The following TRPM3 variants were observed in gnomAD, a reference collection of about 807,000 sequenced individuals.
TRPM3 encodes the protein transient receptor potential cation channel subfamily M member 3.
A neutral mutation model predicts 181.2 loss-of-function variants in TRPM3; 77 were observed. The ratio of observed to expected loss-of-function variants is 0.42; its 90% confidence interval spans 0.35 to 0.51. TRPM3 has a LOEUF of 0.51. TRPM3 is among the 20% of genes least tolerant of loss of function. The pLI, the probability that TRPM3 is intolerant of heterozygous loss-of-function variation, is 0.01. For synonymous variants in TRPM3, 745 were observed against 796.4 expected (o/e 0.94, Z 1.09); for missense variants, 1,759 against 2,196.7 (o/e 0.80, Z 3.98).
At chr9:71,196,110 G>A (rs1361054383) in intron 1 of TRPM3, among the ~76,000 whole-genome samples, 2 of 151,516 alleles carry the variant, frequency 1.3e-5, no homozygotes, top group East Asian at 3.9e-4. Flanking sequence ...ATGTACTCCT[G>A]AACCCAAAAG....
intron 1 of TRPM3, among the ~76,000 whole-genome samples, chr9:70,955,307 G>A (rs2097055954): frequency 2.0e-5 from 3 of 152,156 alleles, no homozygotes; most frequent in Non-Finnish European, 4.4e-5. Context: ...AGAGATTACA[G>A]AAAGACTGAA....
chr9:70,864,537 A>T (rs760706660), intron 1 of TRPM3, 26 bp from the exon 2 acceptor site: 2 of 1,457,996 alleles, frequency 1.4e-6, no homozygotes, highest in Non-Finnish European at 1.8e-6. Flanking sequence ...AAAAAAAAAA[A>T]AAAAGAAAAA....
upstream of TRPM3, among the ~76,000 whole-genome samples, chr9:71,126,223 G>T (rs1021577072): frequency 6.6e-6 from 1 of 152,092 alleles, no homozygotes; most frequent in South Asian, 2.1e-4. Context: ...AAAAAGTCAA[G>T]AAACAACAGA....
intron 1 of TRPM3, among the ~76,000 whole-genome samples, chr9:70,930,993 G>C (rs151202925): frequency 2.6e-5 from 4 of 152,110 alleles, no homozygotes; most frequent in African/African-American, 9.6e-5. Context: ...TCCAAACTCC[G>C]CATTAGCTAG....
intron 1 of TRPM3, among the ~76,000 whole-genome samples, chr9:71,405,991 G>A (rs568627230): frequency 6.6e-6 from 1 of 152,088 alleles, no homozygotes; most frequent in East Asian, 1.9e-4. Flanking sequence ...ATAAAAAATT[G>A]GTGGCTGGGC....
At position 70,910,849 on chromosome 9, in the gene TRPM3, C is replaced by T. The variant is rs748634806; in HGVS notation, c.178-46338G>A. Among the ~76,000 whole-genome samples the T allele has an allele frequency of 1.4e-4, 22 of 152,156 alleles. 1 individual carries two copies. Among genetic ancestry groups the T allele is most frequent in the Non-Finnish European group, 2.8e-4 (19 of 68,028 alleles). Reference sequence around the variant, plus strand: ...GTCTGAGCTCTTAATCATTGCTCAGCGCTGCTAAAGGGAATATATGGCTTT... The same window carrying T: ...GTCTGAGCTCTTAATCATTGCTCAGTGCTGCTAAAGGGAATATATGGCTTT... On this transcript the variant is annotated intron_variant, in intron 1 of 25. Transcript: ENST00000677713.
chr9:71,420,966 G>GGAGAGAAAAA (rs2093753779), intron 1 of TRPM3, among the ~76,000 whole-genome samples: 16 of 39,442 alleles, frequency 4.1e-4, no homozygotes, highest in Admixed American at 4.9e-4. Flanking sequence ...AGAGAAAAAG[G>GGAGAGAAAAA]GAGAGAAAAA....
chr9:71,196,094 T>A (rs970829570), intron 1 of TRPM3, among the ~76,000 whole-genome samples: 1 of 151,806 alleles, frequency 6.6e-6, no homozygotes, highest in African/African-American at 2.4e-5. Context: ...TATAACAAAC[T>A]TGCACATGTA....
intron 1 of TRPM3, among the ~76,000 whole-genome samples, chr9:71,396,983 T>A (rs916265371): frequency 4.9e-4 from 73 of 148,200 alleles, no homozygotes; most frequent in African/African-American, 1.7e-3. Context: ...AAAAAAAAAA[T>A]TAAGCCTTAT....
chr9:71,067,247 C>CAGCAG (rs1255783601), intron 1 of TRPM3, among the ~76,000 whole-genome samples: 1 of 152,204 alleles, frequency 6.6e-6, no homozygotes, highest in East Asian at 1.9e-4. Context: ...ACTAGCAAGG[C>CAGCAG]AGCAGATATA....
At chr9:71,135,796 A>T (rs955170065) in intron 1 of TRPM3, among the ~76,000 whole-genome samples, 2 of 152,222 alleles carry the variant, frequency 1.3e-5, no homozygotes, top group African/African-American at 2.4e-5. Context: ...AAAAACCCCC[A>T]GCAAATTACA....
intron 22 of TRPM3, among the ~76,000 whole-genome samples, chr9:70,571,547 T>C (rs1439930052): frequency 6.6e-6 from 1 of 152,068 alleles, no homozygotes; most frequent in Non-Finnish European, 1.5e-5. Flanking sequence ...ATGTGAACCA[T>C]ATGCACTTTT....
At chr9:70,762,962 GA>G (rs772631242) in intron 7 of TRPM3, among the ~76,000 whole-genome samples, 6 of 152,114 alleles carry the variant, frequency 3.9e-5, no homozygotes, top group Non-Finnish European at 7.4e-5. Flanking sequence ...ATGAAAGCAA[GA>G]AAAACTTTAT....
At chr9:70,700,419 G>A (rs902536708) in intron 8 of TRPM3, among the ~76,000 whole-genome samples, 1 of 152,148 alleles carries the variant, frequency 6.6e-6, no homozygotes, top group Non-Finnish European at 1.5e-5. Flanking sequence ...GGTGGAGGCC[G>A]GGATAGGGGG....
intron 1 of TRPM3, among the ~76,000 whole-genome samples, chr9:70,894,451 A>G (rs1472939295): frequency 6.6e-6 from 1 of 152,082 alleles, no homozygotes; most frequent in African/African-American, 2.4e-5. Context: ...TCTCATGGAT[A>G]CAAATGCATT....
intron 1 of TRPM3, among the ~76,000 whole-genome samples, chr9:71,299,277 ACAAAAT>A (rs1464089926): frequency 6.6e-6 from 1 of 152,188 alleles, no homozygotes; most frequent in African/African-American, 2.4e-5. Context: ...ATTGAGATGA[ACAAAAT>A]CATGTATTTA....
intron 8 of TRPM3, among the ~76,000 whole-genome samples, chr9:70,755,591 T>A (rs1251374992): frequency 1.3e-5 from 2 of 152,054 alleles, no homozygotes; most frequent in Non-Finnish European, 2.9e-5. Context: ...GGTCTCGAAC[T>A]CCTGACCTCA....
At chr9:70,785,470 A>C (rs2083407383) in intron 6 of TRPM3, among the ~76,000 whole-genome samples, 1 of 152,164 alleles carries the variant, frequency 6.6e-6, no homozygotes, top group Non-Finnish European at 1.5e-5. Context: ...GTACCATAAA[A>C]GTGAGCTGGT....
At chr9:71,258,631 T>C (rs924379040) in intron 1 of TRPM3, among the ~76,000 whole-genome samples, 1 of 152,222 alleles carries the variant, frequency 6.6e-6, no homozygotes, top group African/African-American at 2.4e-5. Flanking sequence ...TTTTAAAAGA[T>C]ACTAATACAT....
Sources: allele counts gnomAD v4.1 joint callset (sites outside exome capture counted in the v4.1 genomes callset), GRCh38; gene constraint gnomAD v4.1.1; transcripts MANE v1.5; gene names NCBI Gene and HGNC (gene_info 2026-07-23, HGNC 2026-07-21).